AEBP2: variants seen among roughly 807,000 people sequenced by gnomAD.
The protein encoded by AEBP2 is AE binding protein 2, also known as zinc finger protein AEBP2.
A neutral mutation model predicts 50.8 loss-of-function variants in AEBP2; 10 were observed. The ratio of observed to expected loss-of-function variants is 0.20; its 90% CI spans 0.12 to 0.33. The LOEUF is 0.33. Ranked by LOEUF, AEBP2 falls within the 10% of genes least tolerant of loss-of-function variation. AEBP2 has a pLI of 1.00. For synonymous variants in AEBP2, 296 were observed against 261.3 expected (o/e 1.13, Z -1.28); for missense variants, 570 against 688.0 (o/e 0.83, Z 1.92).
chr12:19,461,414 A>T (rs1403264230), intron 1 of AEBP2, among the ~76,000 whole-genome samples: 1 of 152,196 alleles, frequency 6.6e-6, no homozygotes. Context: ...TTTAGTAAAT[A>T]AAAGAGTTAC....
intron 1 of AEBP2, among the ~76,000 whole-genome samples, chr12:19,442,291 C>T (rs940628249): frequency 7.2e-5 from 11 of 152,066 alleles, no homozygotes; most frequent in South Asian, 2.1e-4. Flanking sequence ...GCCTGTGTTC[C>T]CAGCTACTCG....
intron 2 of AEBP2, among the ~76,000 whole-genome samples, chr12:19,469,553 C>T (rs569103765): frequency 1.3e-5 from 2 of 152,310 alleles, no homozygotes; most frequent in African/African-American, 4.8e-5. Flanking sequence ...CTCCTGGACT[C>T]AAGCAATCCT....
intron 4 of AEBP2, among the ~76,000 whole-genome samples, chr12:19,497,534 G>A (rs544491533): frequency 5.9e-5 from 9 of 152,112 alleles, no homozygotes; most frequent in Admixed American, 1.3e-4. Context: ...GTGCAGTGGT[G>A]CAATCTTAGC....
chr12:19,422,806 G>T (rs2095746498), intron 1 of AEBP2, among the ~76,000 whole-genome samples: 1 of 152,090 alleles, frequency 6.6e-6, no homozygotes, highest in Non-Finnish European at 1.5e-5. Flanking sequence ...GCTCATGGCT[G>T]TAATCACAGC....
At chr12:19,445,667 A>G (rs1031454032) in intron 1 of AEBP2, among the ~76,000 whole-genome samples, 1 of 152,206 alleles carries the variant, frequency 6.6e-6, no homozygotes, top group Admixed American at 6.5e-5. Flanking sequence ...GGAATGCCCA[A>G]AAGTACTGTA....
intron 5 of AEBP2, among the ~76,000 whole-genome samples, chr12:19,505,577 A>G (rs1016330580): frequency 1.3e-5 from 2 of 152,236 alleles, no homozygotes; most frequent in African/African-American, 2.4e-5. Context: ...GAGGTGTAAC[A>G]TCTTGAGGTG....
chr12:19,444,204 C>T (rs2153366715), intron 1 of AEBP2, among the ~76,000 whole-genome samples: 1 of 152,196 alleles, frequency 6.6e-6, no homozygotes, highest in Admixed American at 6.5e-5. Context: ...TCTTCCAACA[C>T]AGTATCATGT....
intron 1 of AEBP2, among the ~76,000 whole-genome samples, chr12:19,450,534 T>C (rs1351430900): frequency 7.1e-6 from 1 of 140,948 alleles, no homozygotes; most frequent in Admixed American, 7.5e-5. Flanking sequence ...TTTTGCATAC[T>C]AGATGAAAAT....
chr12:19,483,427 G>GT (rs58637328), intron 3 of AEBP2, among the ~76,000 whole-genome samples: 184 of 152,224 alleles, frequency 1.2e-3, no homozygotes, highest in African/African-American at 4.2e-3. Context: ...GGAACTCACA[G>GT]TTTTTTACCT....
intron 1 of AEBP2, among the ~76,000 whole-genome samples, chr12:19,419,766 C>G (rs1592705379): frequency 6.6e-6 from 1 of 151,752 alleles, no homozygotes; most frequent in Non-Finnish European, 1.5e-5. Flanking sequence ...CCTGTCTCTA[C>G]TAAAAATACA....
chr12:19,493,681 G>C (rs761596136), intron 3 of AEBP2, 119 bp from the exon 4 acceptor site: 21 of 956,064 alleles, frequency 2.2e-5, no homozygotes, highest in Non-Finnish European at 3.2e-5. Flanking sequence ...CTTCCTTTCT[G>C]GAATTAGTTC....
chr12:19,513,914 G>A (rs981313621), intron 6 of AEBP2, among the ~76,000 whole-genome samples: 4 of 143,486 alleles, frequency 2.8e-5, no homozygotes, highest in Admixed American at 2.8e-4. Flanking sequence ...TTTTTTAATG[G>A]AGTTTAGTCT....
chr12:19,449,626 G>T (rs1049424035), intron 1 of AEBP2, among the ~76,000 whole-genome samples: 10 of 152,154 alleles, frequency 6.6e-5, no homozygotes. Flanking sequence ...TTTAACCAGA[G>T]AAATAATTGT....
upstream of AEBP2, among the ~76,000 whole-genome samples, chr12:19,439,266 G>C (rs955417934): frequency 2.0e-5 from 3 of 152,174 alleles, no homozygotes; most frequent in African/African-American, 7.2e-5. Context: ...AACTCGGAAG[G>C]CTGCTAAAAT....
rs113404677 is a variant in AEBP2 at position 19,499,378 on chromosome 12, C to T, written c.1175-719C>T. ...CTGTATACCCAGCACTTTTGGAGGC[C>T]GAGGTAGGCAGATCACATGAAGCCA... On this transcript the variant is annotated intron_variant, in intron 4 of 7. Coordinates refer to ENST00000266508, the MANE Select transcript of AEBP2 (RefSeq NM_153207.5). 2.9e-3 allele frequency among the ~76,000 whole-genome samples: 441 copies of T among 152,188 alleles called. 1 individual carries two copies. Among genetic ancestry groups the T allele is most frequent in the African/African-American group, 9.9e-3 (412 of 41,534 alleles).
chr12:19,501,781 C>T (rs1949081123), intron 5 of AEBP2, among the ~76,000 whole-genome samples: 1 of 129,230 alleles, frequency 7.7e-6, no homozygotes. Context: ...CCGTCGTCTC[C>T]TATAAAAATG....
At chr12:19,451,660 G>T (rs76147754) in intron 1 of AEBP2, among the ~76,000 whole-genome samples, 3 of 150,530 alleles carry the variant, frequency 2.0e-5, no homozygotes, top group African/African-American at 2.5e-5. Flanking sequence ...TTAAGGATGG[G>T]GTCTTTCAAA....
chr12:19,513,038 T>A (rs1333004662), intron 6 of AEBP2, among the ~76,000 whole-genome samples: 1 of 152,148 alleles, frequency 6.6e-6, no homozygotes, highest in Non-Finnish European at 1.5e-5. Flanking sequence ...GTTTTGTTTT[T>A]TGAGATGCTC....
intron 7 of AEBP2, among the ~76,000 whole-genome samples, chr12:19,515,717 T>C (rs1949307904): frequency 6.6e-6 from 1 of 152,150 alleles, no homozygotes; most frequent in African/African-American, 2.4e-5. Flanking sequence ...CACCTGGAGA[T>C]TTCCTGTAAT....
Sources: allele counts gnomAD v4.1 joint callset (sites outside exome capture counted in the v4.1 genomes callset), GRCh38; gene constraint gnomAD v4.1.1; transcripts MANE v1.5; gene names NCBI Gene and HGNC (gene_info 2026-07-23, HGNC 2026-07-21).